Variants in CDK5R1 observed in about 807,000 individuals in gnomAD.
The protein encoded by CDK5R1 is cyclin-dependent kinase 5 activator 1.
CDK5R1 carries 1 observed loss-of-function variant against 19.0 expected under a neutral mutation model. The ratio of observed to expected loss-of-function variants is 0.05; its 90% confidence interval spans 0.02 to 0.25. CDK5R1 has a LOEUF of 0.25. CDK5R1 is among the 10% of genes least tolerant of loss of function. CDK5R1 has a pLI of 1.00. For missense variants in CDK5R1, 314 were observed against 401.0 expected (o/e 0.78, Z 1.85); for synonymous variants, 225 against 187.7 (o/e 1.20, Z -1.62).
Position 32,487,833 on chromosome 17 carries a change from C to G in CDK5R1, c.213C>G (p.Asn71Lys), listed in dbSNP as rs763741924. 1 of 1,614,138 alleles carries G rather than the reference C, an allele frequency of 6.2e-7. No individual in the cohort carries two copies. Among genetic ancestry groups the G allele is most frequent in the Admixed American group, 1.7e-5 (1 of 60,036 alleles). Residue 71 changes from asparagine (N) to lysine (K), a missense_variant, in exon 2 of 2, where the codon AAC (asparagine) becomes AAG (lysine). Asn to Lys is a moderately conservative substitution (Grantham distance 94). Coordinates refer to ENST00000313401, the MANE Select transcript of CDK5R1 (RefSeq NM_003885.3). This position sits in a 1 kb window ranked among gnomAD's most constrained non-coding sequence, Gnocchi z 7.9. ...AGAACTCCAAGAAGGTGCAGCCCAACAGCAGCTACCAGAACAACATCACGC... is the reference window on the plus strand; with the variant it reads ...AGAACTCCAAGAAGGTGCAGCCCAAGAGCAGCTACCAGAACAACATCACGC... The part of the protein sequence containing the change: ...KKKNSKKVQP[N>K]SSYQNNITHL...
In CDK5R1 at chr17:32,487,607, C is replaced by T. The variant is rs1021133603; in HGVS notation, c.-14C>T. ...CGCAGGGGCGCGAGCCCCCGCCCGG[C>T]GCGCAGCAGCACCATGGGCACGGTG... On this transcript the variant is annotated 5_prime_UTR_variant, in exon 2 of 2. Coordinates refer to ENST00000313401, the MANE Select transcript of CDK5R1 (RefSeq NM_003885.3). The surrounding 1 kb of genome is among the most constrained non-coding windows in gnomAD (Gnocchi z 7.9). 2 of 1,604,434 alleles carry T rather than the reference C, an allele frequency of 1.2e-6. No individual in the cohort carries two copies. The highest frequency in any genetic ancestry group is 1.7e-6 in the Non-Finnish European group (2 of 1,176,372).
rs752596930 is a variant in CDK5R1, at chr17:32,488,317, T to A, written c.697T>A (p.Ser233Thr). The change falls in exon 2 of 2, where the codon TCC becomes ACC. Residue 233 changes from serine (S) to threonine (T), a missense_variant. Transcript: ENST00000313401. ...QAVLLTCLYL[S>T]YSYMGNEISY... is the part of the protein sequence containing the mutation. ...CGTCCTGCTGACATGCCTGTACCTC[T>A]CCTACTCCTACATGGGCAACGAGAT... 3 of 1,614,132 alleles carry A rather than the reference T, an allele frequency of 1.9e-6. No homozygotes were observed. The highest frequency in any genetic ancestry group is 2.5e-6 in the Non-Finnish European group (3 of 1,180,036).
rs1378225822 is a variant in CDK5R1, at chr17:32,488,087, G to C, written c.467G>C (p.Gly156Ala). 6.2e-7 allele frequency: 1 copy of C among 1,613,048 alleles called. No individual in the cohort carries two copies. ...ASTSELLRCL[G>A]EFLCRRCYRL... Reference sequence around the variant, plus strand: ...ACCAGTGAGCTGCTTCGCTGCCTGGGTGAGTTTCTCTGCCGCCGGTGCTAC... The same window carrying C: ...ACCAGTGAGCTGCTTCGCTGCCTGGCTGAGTTTCTCTGCCGCCGGTGCTAC... The change falls in exon 2 of 2, where the codon GGT becomes GCT. Residue 156 changes from glycine to alanine, a missense_variant. Transcript: ENST00000313401.
chr17:32,487,966 G>C lies in CDK5R1; in HGVS notation c.346G>C (p.Gly116Arg). Residue 116 changes from glycine (G) to arginine (R), a missense_variant, in exon 2 of 2, where the codon GGT becomes CGT. Coordinates refer to ENST00000313401, the MANE Select transcript of CDK5R1 (RefSeq NM_003885.3). The surrounding 1 kb of genome is among the most constrained non-coding windows in gnomAD (Gnocchi z 7.9). ...TGCACCCCCGGCCAGCCAGCTCTCGGGTTCCCAGACCGGGGGCTCCTCCTC... is the reference window on the plus strand; with the variant it reads ...TGCACCCCCGGCCAGCCAGCTCTCGCGTTCCCAGACCGGGGGCTCCTCCTC... The part of the protein sequence containing the change: ...PPAPPASQLS[G>R]SQTGGSSSVK... 6.2e-7 allele frequency: 1 copy of C among 1,613,282 alleles called. No homozygotes were observed. Among genetic ancestry groups the C allele is most frequent in the Non-Finnish European group, 8.5e-7 (1 of 1,179,930 alleles).
chr17:32,487,383 C>G lies in CDK5R1; in HGVS notation c.-145-93C>G. 1 of 242,406 alleles carries G rather than the reference C, an allele frequency of 4.1e-6. No individual in the cohort carries two copies. Among genetic ancestry groups the G allele is most frequent in the Non-Finnish European group, 7.8e-6 (1 of 128,594 alleles). The allele number at this position is 242,406 out of a possible 1,614,324, so 15.0% of individuals were successfully genotyped here. ...CGGGTAGGGCCCGGGACTGGGGCGG[C>G]GGGGTGCGCCGAGGCGCGGGGCGGA... On this transcript the variant is annotated intron_variant, in intron 1 of 1. Transcript: ENST00000313401. The surrounding 1 kb of genome is among the most constrained non-coding windows in gnomAD (Gnocchi z 7.9).
In CDK5R1 at chr17:32,489,392, G is replaced by A. The variant is rs9333304; in HGVS notation, c.*848G>A. 1,120 of 431,208 alleles carry A rather than the reference G, an allele frequency of 2.6e-3. 4 individuals are homozygous for A. Among genetic ancestry groups the A allele is most frequent in the African/African-American group, 0.021 (1,028 of 49,234 alleles). 26.7% of individuals were successfully genotyped at this position (431,208 alleles called of 1,614,324 possible). ...ACAGCTGCAGGTGCCCATTAGCAAC[G>A]CCTGCCTTCTGGGCAAGGTGAGGGA... On this transcript the variant is annotated 3_prime_UTR_variant, in exon 2 of 2. Transcript: ENST00000313401.
Position 32,487,662 on chromosome 17 carries a change from C to T in CDK5R1, c.42C>T (p.Ala14=), listed in dbSNP as rs1212726481. 1 of 1,613,692 alleles carries T rather than the reference C, an allele frequency of 6.2e-7. No individual in the cohort carries two copies. The highest frequency in any genetic ancestry group is 1.1e-5 in the South Asian group (1 of 91,074). The part of the protein sequence containing the change: ...VLSLSPSYRK[A]TLFEDGAATV... Reference sequence around the variant, plus strand: ...CCCTGTCTCCCAGCTACCGGAAGGCCACGCTGTTTGAGGATGGCGCGGCCA... The same window carrying T: ...CCCTGTCTCCCAGCTACCGGAAGGCTACGCTGTTTGAGGATGGCGCGGCCA... The change falls in exon 2 of 2, where the codon GCC becomes GCT. Residue 14 remains alanine (A), a synonymous_variant. Coordinates refer to ENST00000313401, the MANE Select transcript of CDK5R1 (RefSeq NM_003885.3). This position sits in a 1 kb window ranked among gnomAD's most constrained non-coding sequence, Gnocchi z 7.9.
In CDK5R1 at chr17:32,488,003, C is replaced by T; in HGVS notation, c.383C>T (p.Ala128Val). The T allele has an allele frequency of 6.2e-7, 1 of 1,613,006 alleles. No individual in the cohort carries two copies. The highest frequency in any genetic ancestry group is 2.2e-5 in the East Asian group (1 of 44,872). ...GGGGGCTCCTCCTCAGTCAAGAAAG[C>T]CCCTCACCCTGCCGTCACCTCCGCA... ...QTGGSSSVKK[A>V]PHPAVTSAGT... Residue 128 changes from alanine to valine, a missense_variant, in exon 2 of 2, where the codon GCC (alanine) becomes GTC (valine). By Grantham distance (64) the Ala-to-Val change is moderately conservative (BLOSUM62 0). Transcript: ENST00000313401.
In CDK5R1 at chr17:32,489,113, A is replaced by G; in HGVS notation, c.*569A>G. On this transcript the variant is annotated 3_prime_UTR_variant, in exon 2 of 2. Coordinates refer to ENST00000313401, the MANE Select transcript of CDK5R1 (RefSeq NM_003885.3). The stretch of plus-strand genomic sequence containing the variant: ...ATTGTGTCTGGTCGTTTGACCACAC[A>G]CCGCCCTGATTTGCTGTTTTCTTTT... 2.1e-6 allele frequency: 1 copy of G among 470,702 alleles called. No individual in the cohort carries two copies. The highest frequency in any genetic ancestry group is 4.4e-6 in the Non-Finnish European group (1 of 226,936). The allele number at this position is 470,702 out of a possible 1,614,324, so 29.2% of individuals were successfully genotyped here.
rs989685926 is a variant in CDK5R1, at chr17:32,489,063, G to T, written c.*519G>T. 11 of 447,934 alleles carry T rather than the reference G, an allele frequency of 2.5e-5. No individual in the cohort carries two copies. The highest frequency in any genetic ancestry group is 2.0e-4 in the African/African-American group (10 of 49,204). The allele number at this position is 447,934 out of a possible 1,614,324, so 27.7% of individuals were successfully genotyped here. ...GGGACATCTTCAATCTAGGCGAGGC[G>T]AAGCTGAGCGGGTCTAGTGGAAAGA... is the stretch of plus-strand genomic sequence containing the variant. On this transcript the variant is annotated 3_prime_UTR_variant, in exon 2 of 2. Coordinates refer to ENST00000313401, the MANE Select transcript of CDK5R1 (RefSeq NM_003885.3).
chr17:32,488,358 G>C lies in CDK5R1; in HGVS notation c.738G>C (p.Lys246Asn). Residue 246 changes from lysine (K) to asparagine (N), a missense_variant, in exon 2 of 2, where the codon AAG (lysine) becomes AAC (asparagine). Physicochemically the swap from Lys to Asn is moderately conservative, Grantham distance 94. Coordinates refer to ENST00000313401, the MANE Select transcript of CDK5R1 (RefSeq NM_003885.3). The stretch of plus-strand genomic sequence containing the variant: ...GCAACGAGATCTCCTACCCGCTCAA[G>C]CCCTTCCTGGTGGAGAGCTGCAAGG... ...YMGNEISYPLKPFLVESCKEA... is the reference protein window; with the variant it reads ...YMGNEISYPLNPFLVESCKEA... 6.2e-7 allele frequency: 1 copy of C among 1,614,122 alleles called. No individual in the cohort carries two copies. Among genetic ancestry groups the C allele is most frequent in the Non-Finnish European group, 8.5e-7 (1 of 1,180,034 alleles).
At position 32,488,679 on chromosome 17, in the gene CDK5R1, T is replaced by C; in HGVS notation, c.*135T>C. 6.7e-7 allele frequency: 1 copy of C among 1,485,158 alleles called. No homozygotes were observed. The allele number at this position is 1,485,158 out of a possible 1,614,324, so 92.0% of individuals were successfully genotyped here. A position where few individuals can be genotyped will look rare whatever the true frequency, so the allele number is the denominator to read the frequency against. ...TTTCCCACAGTCTCTCCCTGGGGTT[T>C]TTTTCATCCCTGCCAAGAACTCTGG... On this transcript the variant is annotated 3_prime_UTR_variant, in exon 2 of 2. Transcript: ENST00000313401.
Position 32,487,525 on chromosome 17 carries a change from C to G in CDK5R1, c.-96C>G. ...TCCCGGGAGCGCCCCCGCCTCCTCT[C>G]CGGGGCCGCCGCAGGCTCGGTGAGC... On this transcript the variant is annotated 5_prime_UTR_variant, in exon 2 of 2. Coordinates refer to ENST00000313401, the MANE Select transcript of CDK5R1 (RefSeq NM_003885.3). This position sits in a 1 kb window ranked among gnomAD's most constrained non-coding sequence, Gnocchi z 7.9. The G allele has an allele frequency of 4.0e-6, 4 of 988,222 alleles. No individual in the cohort carries two copies. Among genetic ancestry groups the G allele is most frequent in the Non-Finnish European group, 5.8e-6 (4 of 683,974 alleles). 61.2% of individuals were successfully genotyped at this position (988,222 alleles called of 1,614,324 possible). A position where few individuals can be genotyped will look rare whatever the true frequency, so the allele number is the denominator to read the frequency against.
Position 32,487,219 on chromosome 17 carries a change from C to G in CDK5R1, c.-146+57C>G, listed in dbSNP as rs1440262314. On this transcript the variant is annotated intron_variant, in intron 1 of 1. Transcript: ENST00000313401. This position sits in a 1 kb window ranked among gnomAD's most constrained non-coding sequence, Gnocchi z 7.9. ...CTGGGGAGCGGAGACCGGGGTCGCG[C>G]CCGTGCGGGGTGTCCAGGCGGGGGT... The G allele has an allele frequency of 6.8e-6, 1 of 147,164 alleles. No homozygotes were observed. The highest frequency in any genetic ancestry group is 1.5e-5 in the Non-Finnish European group (1 of 66,108). 9.1% of individuals were successfully genotyped at this position (147,164 alleles called of 1,614,324 possible).
Position 32,488,530 on chromosome 17 carries a change from G to C in CDK5R1, c.910G>C (p.Gly304Arg). The C allele has an allele frequency of 6.2e-7, 1 of 1,614,158 alleles. No individual in the cohort carries two copies. The highest frequency in any genetic ancestry group is 8.5e-7 in the Non-Finnish European group (1 of 1,180,040). ...GGAGGACAAGAAGCGGCTCCTCCTA[G>C]GCCTGGATCGGTGAGCACTGTAGCC... ...GQEDKKRLLL[G>R]LDR Residue 304 changes from glycine to arginine, a missense_variant, in exon 2 of 2, where the codon GGC (glycine) becomes CGC (arginine). Physicochemically the swap from Gly to Arg is moderately radical, Grantham distance 125. Around this residue, in one of 3 missense-constraint regions of CDK5R1, gnomAD observed 106 missense variants for 132.1 expected, o/e 0.80. Coordinates refer to ENST00000313401, the MANE Select transcript of CDK5R1 (RefSeq NM_003885.3).
chr17:32,489,313 GGTGA>G lies in CDK5R1; in HGVS notation c.*772_*775del, dbSNP rs1446575741. The G allele has an allele frequency of 2.1e-6, 1 of 470,666 alleles. No individual in the cohort carries two copies. 29.2% of individuals were successfully genotyped at this position (470,666 alleles called of 1,614,324 possible). On this transcript the variant is annotated 3_prime_UTR_variant, in exon 2 of 2. Coordinates refer to ENST00000313401, the MANE Select transcript of CDK5R1 (RefSeq NM_003885.3). Reference sequence around the variant, plus strand: ...GGTGAAGCTGGGGACAGCTTTCCTGGGTGAGTTTTTCTTTTGAATAATGTAGTGC... The same window carrying G: ...GGTGAAGCTGGGGACAGCTTTCCTGGGTTTTTCTTTTGAATAATGTAGTGC...
In CDK5R1 at chr17:32,488,568, C is replaced by G; in HGVS notation, c.*24C>G. The G allele has an allele frequency of 6.2e-7, 1 of 1,613,988 alleles. No homozygotes were observed. The highest frequency in any genetic ancestry group is 1.1e-5 in the South Asian group (1 of 91,012). ...GAGCACTGTAGCCTGCGTCATGGCT[C>G]AAGGATTCAATGCATTTTTAAGAAT... On this transcript the variant is annotated 3_prime_UTR_variant, in exon 2 of 2. Transcript: ENST00000313401.
Position 32,487,459 on chromosome 17 carries a change from A to T in CDK5R1, c.-145-17A>T. The T allele has an allele frequency of 5.3e-6, 3 of 562,482 alleles. No homozygotes were observed. Among genetic ancestry groups the T allele is most frequent in the Non-Finnish European group, 9.2e-6 (3 of 325,516 alleles). 34.8% of individuals were successfully genotyped at this position (562,482 alleles called of 1,614,324 possible). On this transcript the variant is annotated splice_polypyrimidine_tract_variant and intron_variant, in intron 1 of 1. Transcript: ENST00000313401. The surrounding 1 kb of genome is among the most constrained non-coding windows in gnomAD (Gnocchi z 7.9). The stretch of plus-strand genomic sequence containing the variant: ...CGCGGAGCCCAGCCTGGCGCTAAGA[A>T]CCATCTTGTTTTCCAGGCAGATCCA...
At position 32,488,658 on chromosome 17, in the gene CDK5R1, CCA is replaced by C. The variant is rs1908764581; in HGVS notation, c.*117_*118del. 2.6e-6 allele frequency: 4 copies of C among 1,533,822 alleles called. No individual in the cohort carries two copies. The highest frequency in any genetic ancestry group is 2.3e-4 in the Middle Eastern group (1 of 4,406). On this transcript the variant is annotated 3_prime_UTR_variant, in exon 2 of 2. Coordinates refer to ENST00000313401, the MANE Select transcript of CDK5R1 (RefSeq NM_003885.3). ...AAAGCCACCAAGGGCCTCACCTTTC[CCA>C]CAGTCTCTCCCTGGGGTTTTTTTCA...
Sources: gnomAD v4.1 joint callset for allele counts on GRCh38, gnomAD v4.1.1 for gene constraint, gnomAD v4.1.1 regional missense constraint, Gnocchi (gnomAD v3.1) non-coding constraint, MANE v1.5 for transcripts, NCBI Gene and HGNC (gene_info 2026-07-23, HGNC 2026-07-21) for gene names.